GOLGA5: variants seen among roughly 807,000 people sequenced by gnomAD.
GOLGA5 encodes golgin A5.
A neutral mutation model predicts 93.5 loss-of-function variants in GOLGA5; 50 were observed. The ratio of observed to expected loss-of-function variants is 0.53; its 90% CI spans 0.43 to 0.68. The LOEUF is 0.68. Ranked by LOEUF, GOLGA5 falls within the 30% of genes least tolerant of loss-of-function variation. The pLI is 0.00. For missense variants in GOLGA5, 760 were observed against 856.4 expected, an observed-to-expected ratio of 0.89 and a Z score of 1.40; for synonymous variants, 312 against 304.5, an observed-to-expected ratio of 1.02 and a Z score of -0.26.
intron 8 of GOLGA5, among the ~76,000 whole-genome samples, chr14:92,820,143 C>T (rs1885287639): frequency 6.6e-6 from 1 of 152,176 alleles, no homozygotes; most frequent in Admixed American, 6.5e-5. Flanking sequence ...CCGGTCTCTG[C>T]GTTCCCTCAG....
At chr14:92,823,565 C>T (rs1885357669) in intron 8 of GOLGA5, among the ~76,000 whole-genome samples, 2 of 151,800 alleles carry the variant, frequency 1.3e-5, no homozygotes, top group Non-Finnish European at 2.9e-5. Context: ...CAGGCACGCA[C>T]CACCGAGCCT....
chr14:92,833,507 G>A (rs193000049), intron 10 of GOLGA5, among the ~76,000 whole-genome samples, 160 bp downstream of exon 10: 8 of 152,248 alleles, frequency 5.3e-5, no homozygotes, highest in Non-Finnish European at 1.2e-4. Flanking sequence ...TTAGTGAACC[G>A]GATAATGGAC....
chr14:92,809,095 T>G (rs1218491701), intron 3 of GOLGA5, among the ~76,000 whole-genome samples: 2 of 152,196 alleles, frequency 1.3e-5, no homozygotes, highest in Non-Finnish European at 2.9e-5. Flanking sequence ...TTCACGCCCC[T>G]TTCTAATCAA....
Position 92,819,860 on chromosome 14 carries a change from T to G in GOLGA5, c.1620+24T>G, listed in dbSNP as rs760219750. On this transcript the variant is annotated intron_variant, in intron 8 of 12. Transcript: ENST00000163416. ...AGGTCAGGATTTGAGATTGATGACTTCTGAGACTCTGTCCTCTAGCGGTCA... is the reference window on the plus strand; with the variant it reads ...AGGTCAGGATTTGAGATTGATGACTGCTGAGACTCTGTCCTCTAGCGGTCA... 1.6e-5 allele frequency: 25 copies of G among 1,609,616 alleles called. No individual in the cohort carries two copies. In the African/African-American group the frequency reaches 3.1e-4, roughly 20 times the overall value.
At position 92,809,388 on chromosome 14, in the gene GOLGA5, A is replaced by C. The variant is rs1453367589; in HGVS notation, c.861A>C (p.Val287=). ...TGACTCGAGGACTCCGAGCCCAAGT[A>C]GATGACCTGACTGAAGCTGTGGCTG... ...DRMTRGLRAQ[V]DDLTEAVAAK... The change falls in exon 4 of 13, where the codon GTA becomes GTC. Residue 287 remains valine, a synonymous_variant. Transcript: ENST00000163416. The C allele has an allele frequency of 6.2e-7, 1 of 1,613,638 alleles. No individual in the cohort carries two copies. Among genetic ancestry groups the C allele is most frequent in the Non-Finnish European group, 8.5e-7 (1 of 1,179,536 alleles).
At chr14:92,824,429 A>G (rs1044051977) in intron 8 of GOLGA5, 117 bp from the exon 9 acceptor site, 4 of 594,146 alleles carry the variant, frequency 6.7e-6, no homozygotes, top group Non-Finnish European at 1.2e-5. Context: ...TTATATACGG[A>G]GTTACATGTT....
At chr14:92,809,798 A>C (rs924925860) in intron 4 of GOLGA5, among the ~76,000 whole-genome samples, 6 of 152,186 alleles carry the variant, frequency 3.9e-5, no homozygotes, top group African/African-American at 1.4e-4. Context: ...TACTAAAAAT[A>C]CAGAAAAAAA....
intron 6 of GOLGA5, among the ~76,000 whole-genome samples, chr14:92,814,978 A>G (rs1328338117): frequency 6.6e-6 from 1 of 152,212 alleles, no homozygotes; most frequent in Admixed American, 6.5e-5. Flanking sequence ...CAGGCTGTAC[A>G]AAAACAGGCC....
rs372969172 is a variant in GOLGA5 at position 92,835,713 on chromosome 14, G to A, written c.2051+49G>A. ...GTGATGGACCATCAGCTGTTTTTAC[G>A]TTTTTCAGGGTTTCAATCACAGTGA... On this transcript the variant is annotated intron_variant, in intron 11 of 12. Transcript: ENST00000163416. The A allele has an allele frequency of 2.9e-4, 320 of 1,085,490 alleles. 1 individual carries two copies. The highest frequency in any genetic ancestry group is 1.6e-3 in the Middle Eastern group (8 of 5,010). The allele number at this position is 1,085,490 out of a possible 1,614,324, so 67.2% of individuals were successfully genotyped here.
At position 92,811,676 on chromosome 14, in the gene GOLGA5, C is replaced by G; in HGVS notation, c.1242C>G (p.Val414=). The G allele has an allele frequency of 1.2e-6, 2 of 1,612,542 alleles. No individual in the cohort carries two copies. Among genetic ancestry groups the G allele is most frequent in the Non-Finnish European group, 1.7e-6 (2 of 1,179,148 alleles). ...GGGTTGATGAACTGCAGCAGCAAGT[C>G]AAGCTGTATAAGTTGAACTTGGAGT... The part of the protein sequence containing the change: ...KKRVDELQQQ[V]KLYKLNLESS... Residue 414 remains valine (V), a synonymous_variant, in exon 6 of 13, where the codon GTC becomes GTG. Transcript: ENST00000163416.
At position 92,839,902 on chromosome 14, in the gene GOLGA5, T is replaced by C. The variant is rs1885723896; in HGVS notation, c.*456T>C. On this transcript the variant is annotated 3_prime_UTR_variant, in exon 13 of 13. Transcript: ENST00000163416. Reference sequence around the variant, plus strand: ...ACTTTGTACATGTTACAGGCTTGATTGGTGTAAATCTTTTTATAAATACAT... The same window carrying C: ...ACTTTGTACATGTTACAGGCTTGATCGGTGTAAATCTTTTTATAAATACAT... The C allele has an allele frequency of 5.6e-6, 1 of 178,848 alleles. No individual in the cohort carries two copies. Among genetic ancestry groups the C allele is most frequent in the South Asian group, 2.0e-4 (1 of 5,056 alleles). The allele number at this position is 178,848 out of a possible 1,614,324, so 11.1% of individuals were successfully genotyped here.
In GOLGA5 at chr14:92,824,534, C is replaced by T; in HGVS notation, c.1621-12C>T. The T allele has an allele frequency of 6.9e-7, 1 of 1,439,876 alleles. No individual in the cohort carries two copies. 89.2% of individuals were successfully genotyped at this position (1,439,876 alleles called of 1,614,324 possible). A position where few individuals can be genotyped will look rare whatever the true frequency, so the allele number is the denominator to read the frequency against. On this transcript the variant is annotated splice_polypyrimidine_tract_variant and intron_variant, in intron 8 of 12. Transcript: ENST00000163416. Reference sequence around the variant, plus strand: ...TATTTCGCTTCTGTTTTGTTTGTGCCTCACTTTGCAGGAGTTCCACTATAT... The same window carrying T: ...TATTTCGCTTCTGTTTTGTTTGTGCTTCACTTTGCAGGAGTTCCACTATAT...
chr14:92,831,384 C>A (rs555109228), intron 9 of GOLGA5, among the ~76,000 whole-genome samples: 1 of 152,160 alleles, frequency 6.6e-6, no homozygotes, highest in East Asian at 1.9e-4. Flanking sequence ...AAACAAATTG[C>A]AAACCATTCG....
Position 92,824,600 on chromosome 14 carries a change from A to G in GOLGA5, c.1675A>G (p.Arg559Gly). Residue 559 changes from arginine (R) to glycine (G), a missense_variant, in exon 9 of 13, where the codon AGA (arginine) becomes GGA (glycine). Physicochemically the swap from Arg to Gly is moderately radical, Grantham distance 125 (BLOSUM62 -2). Coordinates refer to ENST00000163416, the MANE Select transcript of GOLGA5 (RefSeq NM_005113.4). The stretch of plus-strand genomic sequence containing the variant: ...TCGAACAAAGAACACATTGCAAAGC[A>G]GAATTAAAGATCGAGACGAAGAAAT... ...LYRTKNTLQS[R>G]IKDRDEEIQK... is the part of the protein sequence containing the mutation. 1 of 1,605,954 alleles carries G rather than the reference A, an allele frequency of 6.2e-7. No individual in the cohort carries two copies. Among genetic ancestry groups the G allele is most frequent in the Non-Finnish European group, 8.5e-7 (1 of 1,174,124 alleles).
chr14:92,832,999 T>C (rs1885561396), intron 9 of GOLGA5, 123 bp from the exon 10 acceptor site: 1 of 651,680 alleles, frequency 1.5e-6, no homozygotes, highest in African/African-American at 1.8e-5. Context: ...AGACATTGAG[T>C]CAGTATAGAG....
At chr14:92,795,966 T>C (rs1884717705) in intron 1 of GOLGA5, among the ~76,000 whole-genome samples, 1 of 152,246 alleles carries the variant, frequency 6.6e-6, no homozygotes, top group Admixed American at 6.5e-5. Flanking sequence ...TATATCTTCA[T>C]CATTACTTTG....
intron 8 of GOLGA5, among the ~76,000 whole-genome samples, 168 bp from the exon 9 acceptor site, chr14:92,824,378 A>G (rs3818256): frequency 0.82 from 124,067 of 152,194 alleles, 51,239 homozygotes; most frequent in African/African-American, 0.94. Context: ...TATTCACTTA[A>G]TTATATACTC....
At chr14:92,802,342 T>C (rs1452099240) in intron 2 of GOLGA5, among the ~76,000 whole-genome samples, 4 of 152,214 alleles carry the variant, frequency 2.6e-5, no homozygotes, top group African/African-American at 9.6e-5. Context: ...TTTGTTGTTT[T>C]TTTGTGTGTA....
chr14:92,833,864 C>T (rs1179381662), intron 10 of GOLGA5, among the ~76,000 whole-genome samples: 4 of 152,092 alleles, frequency 2.6e-5, no homozygotes, highest in Non-Finnish European at 5.9e-5. Flanking sequence ...GCAAATTTCT[C>T]AGTTCTTTGG....
Sources: gnomAD v4.1 joint callset for allele counts (sites outside exome capture counted in the v4.1 genomes callset) on GRCh38, gnomAD v4.1.1 for gene constraint, MANE v1.5 for transcripts, NCBI Gene and HGNC (gene_info 2026-07-23, HGNC 2026-07-21) for gene names.